PCNX2: variants seen among roughly 807,000 people sequenced by gnomAD.
PCNX2 encodes pecanex-like protein 2.
PCNX2 carries 168 observed loss-of-function variants against 223.8 expected under a neutral mutation model. That is an observed-to-expected ratio of 0.75 (90% confidence interval 0.66 to 0.85). The LOEUF (loss-of-function observed/expected upper bound fraction) is 0.85, where lower values mean the gene tolerates loss of function less well. Ranked by LOEUF, PCNX2 falls within the 40% of genes least tolerant of loss-of-function variation. The pLI is 0.00. For missense variants in PCNX2, 2,507 were observed against 2,675.5 expected, an observed-to-expected ratio of 0.94 and a Z score of 1.39; for synonymous variants, 1,006 against 1,052.6, an observed-to-expected ratio of 0.96 and a Z score of 0.86.
intron 1 of PCNX2, among the ~76,000 whole-genome samples, chr1:233,277,835 T>C (rs1200732972): frequency 1.3e-5 from 2 of 151,998 alleles, no homozygotes; most frequent in Non-Finnish European, 2.9e-5. Flanking sequence ...TGATGAAATA[T>C]AGAGACAGAC....
chr1:233,133,495 G>A (rs539672126), intron 21 of PCNX2, among the ~76,000 whole-genome samples: 1 of 152,268 alleles, frequency 6.6e-6, no homozygotes, highest in South Asian at 2.1e-4. Context: ...GTAATGGTGA[G>A]AAACCAATGG....
chr1:232,987,657 C>T (rs982221397), intron 32 of PCNX2, among the ~76,000 whole-genome samples: 8 of 152,296 alleles, frequency 5.3e-5, no homozygotes, highest in South Asian at 2.1e-4. Flanking sequence ...GATTGTGAAG[C>T]GGGCGTGGCT....
chr1:233,084,994 G>T (rs1673529751), intron 23 of PCNX2, among the ~76,000 whole-genome samples: 1 of 152,192 alleles, frequency 6.6e-6, no homozygotes, highest in Admixed American at 6.5e-5. Context: ...GCCAGATTAG[G>T]ATTTCTATTT....
intron 19 of PCNX2, among the ~76,000 whole-genome samples, chr1:233,145,398 G>A (rs1677384433): frequency 6.6e-6 from 1 of 152,070 alleles, no homozygotes; most frequent in Admixed American, 6.6e-5. Context: ...TGTAAGACAG[G>A]GGCCAAGACT....
intron 8 of PCNX2, among the ~76,000 whole-genome samples, chr1:233,247,531 C>T (rs945450785): frequency 6.6e-6 from 1 of 151,946 alleles, no homozygotes; most frequent in Non-Finnish European, 1.5e-5. Context: ...GCCATGTTGC[C>T]CAGGCTGGTC....
chr1:233,242,233 TC>T (rs1400214620), intron 8 of PCNX2, among the ~76,000 whole-genome samples: 1 of 152,174 alleles, frequency 6.6e-6, no homozygotes, highest in Admixed American at 6.5e-5. Context: ...CTACGATAAT[TC>T]AAAAACAAAA....
chr1:233,262,504 T>A (rs2103000010), intron 2 of PCNX2, among the ~76,000 whole-genome samples: 1 of 152,298 alleles, frequency 6.6e-6, no homozygotes, highest in African/African-American at 2.4e-5. Context: ...GGACATGCTA[T>A]CTTAAGGAGC....
intron 2 of PCNX2, 86 bp from the exon 3 acceptor site, chr1:233,262,251 T>A: frequency 2.0e-6 from 3 of 1,512,904 alleles, no homozygotes; most frequent in Non-Finnish European, 2.7e-6. Flanking sequence ...AAAAACTTTT[T>A]TTCCTAGAGT....
At chr1:233,170,974 C>G (rs989984551) in intron 17 of PCNX2, among the ~76,000 whole-genome samples, 2 of 152,164 alleles carry the variant, frequency 1.3e-5, no homozygotes, top group Non-Finnish European at 2.9e-5. Flanking sequence ...TTCCTTTGTG[C>G]GTCACGTTGG....
intron 1 of PCNX2, chr1:233,289,396 C>T (rs1022278909): frequency 5.7e-5 from 79 of 1,396,014 alleles, no homozygotes; most frequent in Middle Eastern, 2.5e-4. Context: ...GACTCGAACT[C>T]GTCCGGCTTC....
chr1:233,017,262 A>T (rs1670706031), intron 26 of PCNX2, 108 bp from the exon 27 acceptor site: 4 of 592,266 alleles, frequency 6.8e-6, no homozygotes, highest in East Asian at 4.9e-5. Context: ...TATCATTTGT[A>T]TGTTCTGCTG....
Position 232,986,338 on chromosome 1 carries a change from G to T in PCNX2, c.5994C>A (p.Pro1998=), listed in dbSNP as rs1174722167. 5 of 1,596,804 alleles carry T rather than the reference G, an allele frequency of 3.1e-6. No individual in the cohort carries two copies. In the East Asian group the frequency reaches 9.1e-5, roughly 29 times the overall value. ...GGTGGCCGGTGGTGGTGACGGGCGG[G>T]GGCTGAGAGTGCAGGGACGTGGCCG... The part of the protein sequence containing the change: ...HASATSLHSQ[P]PPVTTTGHLS... The change falls in exon 33 of 34, where the codon CCC becomes CCA. Residue 1998 remains proline, a synonymous_variant. Transcript: ENST00000258229.
chr1:233,160,214 A>G (rs1457724240), intron 19 of PCNX2, 69 bp downstream of exon 19: 3 of 1,504,866 alleles, frequency 2.0e-6, no homozygotes, highest in Non-Finnish European at 2.7e-6. Flanking sequence ...ACTGTTGCAC[A>G]TGCTCTCCGG....
intron 32 of PCNX2, among the ~76,000 whole-genome samples, chr1:232,992,048 C>T (rs1452126862): frequency 2.6e-5 from 4 of 152,130 alleles, no homozygotes; most frequent in Admixed American, 2.6e-4. Flanking sequence ...GCACGAAAGA[C>T]CAGGGAGAAA....
Position 233,258,294 on chromosome 1 carries a change from T to G in PCNX2, c.1568A>C (p.His523Pro). The change falls in exon 5 of 34, where the codon CAT becomes CCT. Residue 523 changes from histidine to proline, a missense_variant. Physicochemically the swap from His to Pro is moderately conservative, Grantham distance 77 (BLOSUM62 -2). Transcript: ENST00000258229. ...NLDPSSCKSS[H>P]EKRHARVLSV... is the part of the protein sequence containing the mutation. ...GAGCACCCGGGCATGCCTCTTTTCA[T>G]GGCTGGACTTACAAGACGATGGGTC... 1.9e-6 allele frequency: 3 copies of G among 1,614,036 alleles called. No individual in the cohort carries two copies. Among genetic ancestry groups the G allele is most frequent in the Non-Finnish European group, 2.5e-6 (3 of 1,179,886 alleles).
At chr1:233,031,342 C>T (rs1209076706) in intron 25 of PCNX2, among the ~76,000 whole-genome samples, 1 of 152,202 alleles carries the variant, frequency 6.6e-6, no homozygotes, top group African/African-American at 2.4e-5. Flanking sequence ...TCTGGGATCT[C>T]ATATCATTAT....
At chr1:233,147,633 G>A (rs1274981614) in intron 19 of PCNX2, among the ~76,000 whole-genome samples, 1 of 152,128 alleles carries the variant, frequency 6.6e-6, no homozygotes, top group African/African-American at 2.4e-5. Context: ...GACTTGTGTT[G>A]TTCAAGGTCA....
Position 233,230,402 on chromosome 1 carries a change from A to C in PCNX2, c.2359-3031T>G, listed in dbSNP as rs75722964. ...TTATCTTTCACTGTAAGTGATCTAAATAATGAAAAAAAATGAATGCATGGA... is the reference window on the plus strand; with the variant it reads ...TTATCTTTCACTGTAAGTGATCTAACTAATGAAAAAAAATGAATGCATGGA... On this transcript the variant is annotated intron_variant, in intron 9 of 33. Coordinates refer to ENST00000258229, the MANE Select transcript of PCNX2 (RefSeq NM_014801.4). Among the ~76,000 whole-genome samples the C allele has an allele frequency of 7.6e-3, 1,151 of 152,298 alleles. 17 individuals carry two copies. The highest frequency in any genetic ancestry group is 0.026 in the African/African-American group (1,087 of 41,560).
intron 10 of PCNX2, among the ~76,000 whole-genome samples, chr1:233,220,347 T>A (rs1244387664): frequency 6.6e-6 from 1 of 152,232 alleles, no homozygotes; most frequent in African/African-American, 2.4e-5. Flanking sequence ...TTTAGTTTTA[T>A]AAGAAACTGC....
Sources: gnomAD v4.1 joint callset for allele counts (sites outside exome capture counted in the v4.1 genomes callset) on GRCh38, gnomAD v4.1.1 for gene constraint, MANE v1.5 for transcripts, NCBI Gene and HGNC (gene_info 2026-07-23, HGNC 2026-07-21) for gene names.